The following CARD10 variants were observed in gnomAD, a reference collection of about 807,000 sequenced individuals.
CARD10 encodes the protein caspase recruitment domain-containing protein 10.
In CARD10, 49 loss-of-function variants were observed where a neutral mutation model predicts 114.6. The observed-to-expected ratio is 0.43, with a 90% CI of 0.34 to 0.54. The LOEUF (loss-of-function observed/expected upper bound fraction) is 0.54. Among genes scored for constraint, CARD10 ranks in the 20% least tolerant of loss-of-function variants. CARD10 has a pLI of 0.03. For missense variants in CARD10, 1,206 were observed against 1,397.2 expected (o/e 0.86, Z 2.18); for synonymous variants, 602 against 593.2 (o/e 1.01, Z -0.21).
intron 3 of CARD10, 111 bp from the exon 4 acceptor site, chr22:37,510,532 A>C: frequency 2.2e-6 from 2 of 903,298 alleles, no homozygotes; most frequent in Non-Finnish European, 1.7e-6. Context: ...ATTCCCAGAG[A>C]AGCCGAAGCA....
Position 37,506,364 on chromosome 22 carries a change from C to A in CARD10, c.1211G>T (p.Arg404Leu). ...GCTCTGTGAGTACTGCAACTGGATC[C>A]GGTCACGGCTCTGGATGGCCTAGGG... ...ERDQAIQSRD[R>L]IQLQYSQSLI... The change falls in exon 7 of 20, where the codon CGG (arginine) becomes CTG (leucine). Residue 404 changes from arginine (R) to leucine (L), a missense_variant. Arg to Leu is a moderately radical substitution (Grantham distance 102, BLOSUM62 -2). Around this residue, in one of 2 missense-constraint regions of CARD10, gnomAD observed 1,068 missense variants for 1,179.1 expected, o/e 0.91. Transcript: ENST00000251973. 6.3e-7 allele frequency: 1 copy of A among 1,591,238 alleles called. No individual in the cohort carries two copies. Among genetic ancestry groups the A allele is most frequent in the South Asian group, 1.1e-5 (1 of 87,180 alleles).
chr22:37,503,132 A>G, intron 10 of CARD10, 53 bp downstream of exon 10: 3 of 1,588,734 alleles, frequency 1.9e-6, no homozygotes, highest in Non-Finnish European at 2.6e-6. Context: ...TGGGCTGCAA[A>G]GCCACCTCCC....
At chr22:37,509,303 A>T (rs1174531782) in intron 4 of CARD10, among the ~76,000 whole-genome samples, 2 of 152,018 alleles carry the variant, frequency 1.3e-5, no homozygotes, top group African/African-American at 4.8e-5. Context: ...CTACAAATCA[A>T]ATTAAAGCTG....
At chr22:37,504,471 T>C (rs1471357554) in intron 8 of CARD10, among the ~76,000 whole-genome samples, 164 bp downstream of exon 8, 5 of 152,228 alleles carry the variant, frequency 3.3e-5, no homozygotes, top group African/African-American at 7.2e-5. Flanking sequence ...CTGGCACCTA[T>C]GCCTGGCAAG....
At chr22:37,515,073 C>A (rs1041217463) in intron 3 of CARD10, among the ~76,000 whole-genome samples, 1 of 152,218 alleles carries the variant, frequency 6.6e-6, no homozygotes, top group African/African-American at 2.4e-5. Context: ...GCTCTGTGAC[C>A]TTGAGCAAGT....
At chr22:37,508,875 C>A (rs957377727) in intron 4 of CARD10, 193 bp from the exon 5 acceptor site, 1 of 1,258,770 alleles carries the variant, frequency 7.9e-7, no homozygotes, top group Non-Finnish European at 1.1e-6. Flanking sequence ...CAAGCCCTAC[C>A]CACCCTCCAG....
In CARD10 at chr22:37,506,176, A is replaced by G. The variant is rs192166004; in HGVS notation, c.1383+16T>C. 1.7e-4 allele frequency: 255 copies of G among 1,511,052 alleles called. 4 individuals are homozygous for G. The East Asian group carries it at 5.9e-3, about 35-fold the overall frequency. 93.6% of individuals were successfully genotyped at this position (1,511,052 alleles called of 1,614,324 possible). The stretch of plus-strand genomic sequence containing the variant: ...CAGCCTTCCTGCCAGGACCTCCACA[A>G]TCTTGACCCGCTCACCTTGAGGCAG... On this transcript the variant is annotated intron_variant, in intron 7 of 19. Coordinates refer to ENST00000251973, the MANE Select transcript of CARD10 (RefSeq NM_014550.4).
chr22:37,519,266 A>C lies in CARD10; in HGVS notation c.-66T>G. ...GTCGACCAGGGCTCCCTAGGGCTAG[A>C]TGTGCGGCCAAGCACCCCCGGGGCG... is the stretch of plus-strand genomic sequence containing the variant. On this transcript the variant is annotated 5_prime_UTR_variant, in exon 1 of 20. Coordinates refer to ENST00000251973, the MANE Select transcript of CARD10 (RefSeq NM_014550.4). This position sits in a 1 kb window ranked among gnomAD's most constrained non-coding sequence, Gnocchi z 4.1. The C allele has an allele frequency of 7.1e-7, 1 of 1,404,080 alleles. No homozygotes were observed. The highest frequency in any genetic ancestry group is 9.2e-7 in the Non-Finnish European group (1 of 1,082,246). The allele number at this position is 1,404,080 out of a possible 1,614,324, so 87.0% of individuals were successfully genotyped here.
Position 37,519,261 on chromosome 22 carries a change from G to T in CARD10, c.-61C>A. The T allele has an allele frequency of 7.1e-7, 1 of 1,410,140 alleles. No individual in the cohort carries two copies. The highest frequency in any genetic ancestry group is 1.5e-5 in the South Asian group (1 of 65,504). The allele number at this position is 1,410,140 out of a possible 1,614,324, so 87.4% of individuals were successfully genotyped here. The stretch of plus-strand genomic sequence containing the variant: ...CGGGGGTCGACCAGGGCTCCCTAGG[G>T]CTAGATGTGCGGCCAAGCACCCCCG... On this transcript the variant is annotated 5_prime_UTR_variant, in exon 1 of 20. Transcript: ENST00000251973. This position sits in a 1 kb window ranked among gnomAD's most constrained non-coding sequence, Gnocchi z 4.1.
chr22:37,517,689 T>C (rs1305642975), intron 2 of CARD10, among the ~76,000 whole-genome samples: 1 of 151,932 alleles, frequency 6.6e-6, no homozygotes, highest in African/African-American at 2.4e-5. Flanking sequence ...TTTTTTTACA[T>C]AAAAAACTAT....
chr22:37,494,181 T>C lies in CARD10; in HGVS notation c.2381A>G (p.Lys794Arg). ...RHRGPRSNLK[K>R]RALDQLRLVR... ...CAGCCGCAGCTGGTCCAGGGCTCTC[T>C]TCTTCAGCTGGGAGGGTGCAGGGAC... The change falls in exon 16 of 20, where the codon AAG (lysine) becomes AGG (arginine). Residue 794 changes from lysine to arginine, a missense_variant. Physicochemically the swap from Lys to Arg is conservative, Grantham distance 26. This residue lies in a region of CARD10 where 1,068 missense variants were observed against 1,179.1 expected (regional missense o/e 0.91). Coordinates refer to ENST00000251973, the MANE Select transcript of CARD10 (RefSeq NM_014550.4). The C allele has an allele frequency of 6.4e-7, 1 of 1,553,046 alleles. No homozygotes were observed. The highest frequency in any genetic ancestry group is 1.2e-5 in the South Asian group (1 of 84,216).
rs1416100456 is a variant in CARD10 at position 37,519,377 on chromosome 22, C to G, written c.-177G>C. The G allele has an allele frequency of 8.2e-7, 1 of 1,216,268 alleles. No individual in the cohort carries two copies. The highest frequency in any genetic ancestry group is 4.3e-5 in the Admixed American group (1 of 23,042). 75.3% of individuals were successfully genotyped at this position (1,216,268 alleles called of 1,614,324 possible). ...TACAGTCGCCTCGGGCTCCCGGGTCCGCACTCGGGCGGCGGCTCCGCCGGC... is the reference window on the plus strand; with the variant it reads ...TACAGTCGCCTCGGGCTCCCGGGTCGGCACTCGGGCGGCGGCTCCGCCGGC... On this transcript the variant is annotated 5_prime_UTR_variant, in exon 1 of 20. Transcript: ENST00000251973. This position sits in a 1 kb window ranked among gnomAD's most constrained non-coding sequence, Gnocchi z 4.1.
chr22:37,507,150 G>C (rs1388703349), intron 6 of CARD10, among the ~76,000 whole-genome samples: 1 of 152,222 alleles, frequency 6.6e-6, no homozygotes, highest in Non-Finnish European at 1.5e-5. Context: ...ATGGTGGCAT[G>C]CCTGTAATAC....
intron 10 of CARD10, 46 bp downstream of exon 10, chr22:37,503,139 T>G: frequency 6.3e-7 from 1 of 1,597,834 alleles, no homozygotes; most frequent in Non-Finnish European, 8.5e-7. Context: ...CAAAGCCACC[T>G]CCCCCGACCA....
At chr22:37,493,965 G>T in intron 16 of CARD10, 121 bp downstream of exon 16, 1 of 762,746 alleles carries the variant, frequency 1.3e-6, no homozygotes, top group Non-Finnish European at 2.3e-6. Flanking sequence ...CACTCCTGTT[G>T]GAACCCTCAC....
intron 15 of CARD10, chr22:37,494,465 C>G (rs754412779): frequency 4.0e-5 from 20 of 505,504 alleles, no homozygotes; most frequent in Non-Finnish European, 6.0e-5. Flanking sequence ...GTATACCCCC[C>G]AAGCTACAGA....
At chr22:37,513,113 T>G (rs143099104) in intron 3 of CARD10, among the ~76,000 whole-genome samples, 5 of 152,204 alleles carry the variant, frequency 3.3e-5, no homozygotes, top group African/African-American at 9.6e-5. Context: ...CACTTCTTTT[T>G]TTGTTGTTGT....
At chr22:37,518,815 G>T in intron 1 of CARD10, 151 bp downstream of exon 1, 5 of 925,460 alleles carry the variant, frequency 5.4e-6, no homozygotes, top group Non-Finnish European at 7.7e-6. Context: ...GAGGAGGCAG[G>T]CTGGTGGGCA....
intron 3 of CARD10, among the ~76,000 whole-genome samples, chr22:37,512,465 C>CCACACACACACACACA (rs36080549): frequency 7.9e-5 from 9 of 113,772 alleles, no homozygotes; most frequent in African/African-American, 1.2e-4. Flanking sequence ...AGCCCCCCCT[C>CCACACACACACACACA]CACACACACA....
Sources: allele counts gnomAD v4.1 joint callset (sites outside exome capture counted in the v4.1 genomes callset), GRCh38; gene constraint gnomAD v4.1.1; regional missense constraint gnomAD v4.1.1; non-coding constraint Gnocchi (gnomAD v3.1); transcripts MANE v1.5; gene names NCBI Gene and HGNC (gene_info 2026-07-23, HGNC 2026-07-21).